The following MIPOL1 variants were observed in gnomAD, a reference collection of about 807,000 sequenced individuals.
MIPOL1 encodes the protein mirror-image polydactyly gene 1 protein.
Under a neutral mutation model 60.9 loss-of-function variants are expected in MIPOL1, and 57 were observed. The observed-to-expected ratio is 0.94, with a 90% CI of 0.76 to 1.17. The LOEUF is 1.17. Among genes scored for constraint, MIPOL1 ranks in the 50% most tolerant of loss-of-function variants. The pLI is 0.00. For synonymous variants in MIPOL1, 179 were observed against 168.8 expected, an observed-to-expected ratio of 1.06 and a Z score of -0.47; for missense variants, 551 against 511.6, an observed-to-expected ratio of 1.08 and a Z score of -0.74.
chr14:37,232,115 T>G (rs1286900790), intron 1 of MIPOL1, among the ~76,000 whole-genome samples: 1 of 152,054 alleles, frequency 6.6e-6, no homozygotes, highest in African/African-American at 2.4e-5. Context: ...AAAAAATATT[T>G]TATTATTGTT....
At chr14:37,421,758 G>A (rs763159346) in intron 10 of MIPOL1, among the ~76,000 whole-genome samples, 1 of 151,990 alleles carries the variant, frequency 6.6e-6, no homozygotes, top group Admixed American at 6.6e-5. Context: ...AAATAGAAAA[G>A]TAGCATTCTG....
rs769722483 is a variant in MIPOL1 at position 37,327,860 on chromosome 14, A to G, written c.828+19341A>G. Among the ~76,000 whole-genome samples, 119 of 152,342 alleles carry G rather than the reference A, an allele frequency of 7.8e-4. 1 individual carries two copies. The highest frequency in any genetic ancestry group is 1.5e-3 in the Non-Finnish European group (99 of 68,036). ...TGTGATTTAAGAGCAAGAATTTTGA[A>G]TTAAGGATTAAAGAGACCTAAGAGC... On this transcript the variant is annotated intron_variant, in intron 9 of 12. Transcript: ENST00000684589.
At chr14:37,288,140 C>T (rs1054928670) in intron 7 of MIPOL1, among the ~76,000 whole-genome samples, 2 of 151,502 alleles carry the variant, frequency 1.3e-5, no homozygotes. Flanking sequence ...TAATTGTTTT[C>T]TTTTTTTAAG....
intron 1 of MIPOL1, among the ~76,000 whole-genome samples, chr14:37,245,132 A>G (rs1043711458): frequency 1.3e-5 from 2 of 152,174 alleles, no homozygotes; most frequent in African/African-American, 4.8e-5. Flanking sequence ...GTCAGCTGGA[A>G]CACAAATGAC....
chr14:37,259,469 A>C (rs767450635), intron 3 of MIPOL1, among the ~76,000 whole-genome samples: 1 of 152,098 alleles, frequency 6.6e-6, no homozygotes, highest in East Asian at 2.0e-4. Context: ...CTGGAAGCTG[A>C]AGCTAGAGGA....
chr14:37,332,856 C>T (rs143717410), intron 9 of MIPOL1, among the ~76,000 whole-genome samples: 2,801 of 151,986 alleles, frequency 0.018, 44 homozygotes, highest in African/African-American at 0.036. Flanking sequence ...TTGCAGTGGA[C>T]GAAAAATACG....
At chr14:37,387,795 T>G (rs1208207584) in intron 10 of MIPOL1, among the ~76,000 whole-genome samples, 1 of 151,976 alleles carries the variant, frequency 6.6e-6, no homozygotes, top group Admixed American at 6.6e-5. Context: ...TAGAATGTAT[T>G]TATTATAAAA....
intron 9 of MIPOL1, among the ~76,000 whole-genome samples, chr14:37,325,917 C>G (rs1288785148): frequency 6.6e-6 from 1 of 152,160 alleles, no homozygotes; most frequent in East Asian, 1.9e-4. Flanking sequence ...AACTTCCAGA[C>G]AAGTGGTATC....
chr14:37,270,282 A>AT (rs908208139), intron 5 of MIPOL1, 138 bp from the exon 6 acceptor site: 3 of 421,368 alleles, frequency 7.1e-6, no homozygotes, highest in South Asian at 5.7e-5. Flanking sequence ...TAAATTTTAA[A>AT]TTTTTTTCTG....
At chr14:37,334,682 TC>T (rs2089980662) in intron 9 of MIPOL1, among the ~76,000 whole-genome samples, 1 of 151,962 alleles carries the variant, frequency 6.6e-6, no homozygotes, top group Admixed American at 6.6e-5. Context: ...CAAATTTATT[TC>T]CACCAGCCCT....
chr14:37,526,229 C>T (rs911384769), intron 12 of MIPOL1, among the ~76,000 whole-genome samples: 1 of 146,000 alleles, frequency 6.8e-6, no homozygotes, highest in Non-Finnish European at 1.5e-5. Flanking sequence ...CTGAACACAA[C>T]AAAACCTATC....
chr14:37,470,326 G>T (rs2094665134), intron 11 of MIPOL1, among the ~76,000 whole-genome samples: 1 of 152,038 alleles, frequency 6.6e-6, no homozygotes, highest in East Asian at 1.9e-4. Flanking sequence ...ATATGGCTTG[G>T]ATTTGTGTCC....
At chr14:37,473,655 GCA>G (rs1238839579) in intron 11 of MIPOL1, among the ~76,000 whole-genome samples, 1 of 152,086 alleles carries the variant, frequency 6.6e-6, no homozygotes, top group African/African-American at 2.4e-5. Context: ...AACCTCCCCA[GCA>G]CACAGTTTCC....
intron 9 of MIPOL1, among the ~76,000 whole-genome samples, chr14:37,330,756 T>C (rs1415219317): frequency 6.6e-6 from 1 of 151,218 alleles, no homozygotes. Context: ...CTCAGACTTA[T>C]CATTCTACCC....
intron 11 of MIPOL1, among the ~76,000 whole-genome samples, chr14:37,455,264 T>C (rs1426906856): frequency 6.6e-6 from 1 of 152,190 alleles, no homozygotes; most frequent in Non-Finnish European, 1.5e-5. Context: ...CTTTTAATCG[T>C]TAATACTAAT....
intron 9 of MIPOL1, among the ~76,000 whole-genome samples, chr14:37,355,271 G>T (rs1411394533): frequency 1.5e-5 from 2 of 133,592 alleles, no homozygotes; most frequent in African/African-American, 5.4e-5. Context: ...TCTGCTGAGA[G>T]ATCTGCTGTT....
At chr14:37,515,067 G>A (rs191807010) in intron 12 of MIPOL1, among the ~76,000 whole-genome samples, 12 of 152,252 alleles carry the variant, frequency 7.9e-5, no homozygotes, top group Admixed American at 7.8e-4. Context: ...TTTACAGAAT[G>A]AAGAATCCTT....
At chr14:37,501,137 T>C (rs141945927) in intron 12 of MIPOL1, among the ~76,000 whole-genome samples, 4 of 152,336 alleles carry the variant, frequency 2.6e-5, no homozygotes, top group South Asian at 2.1e-4. Flanking sequence ...TTAGAAATTG[T>C]GCATTTTAAT....
At chr14:37,405,859 T>A (rs866919222) in intron 10 of MIPOL1, among the ~76,000 whole-genome samples, 1 of 151,726 alleles carries the variant, frequency 6.6e-6, no homozygotes, top group South Asian at 2.1e-4. Context: ...AAAAGTTTCC[T>A]TGTAAAACAA....
Sources: gnomAD v4.1 joint callset for allele counts (sites outside exome capture counted in the v4.1 genomes callset) on GRCh38, gnomAD v4.1.1 for gene constraint, MANE v1.5 for transcripts, NCBI Gene and HGNC (gene_info 2026-07-23, HGNC 2026-07-21) for gene names.